Variants in USP16 observed in about 807,000 individuals in gnomAD.
USP16 encodes the protein ubiquitin carboxyl-terminal hydrolase 16.
In USP16, 77 loss-of-function variants were observed where a neutral mutation model predicts 95.9. The ratio of observed to expected loss-of-function variants is 0.80; its 90% CI spans 0.67 to 0.97. The LOEUF (loss-of-function observed/expected upper bound fraction) is 0.97. USP16 is among the 50% of genes least tolerant of loss of function. The pLI, the probability that USP16 is intolerant of heterozygous loss-of-function variation, is 0.00. For missense variants in USP16, 943 were observed against 959.9 expected, an observed-to-expected ratio of 0.98 and a Z score of 0.23; for synonymous variants, 303 against 318.2, an observed-to-expected ratio of 0.95 and a Z score of 0.51.
At chr21:29,027,299 T>G (rs1165507799) in intron 1 of USP16, among the ~76,000 whole-genome samples, 1 of 152,368 alleles carries the variant, frequency 6.6e-6, no homozygotes, top group East Asian at 1.9e-4. Context: ...CAATTTTCAT[T>G]TAGCTGATAC....
At chr21:29,040,342 G>A (rs1233829841) in intron 9 of USP16, among the ~76,000 whole-genome samples, 5 of 152,160 alleles carry the variant, frequency 3.3e-5, no homozygotes, top group African/African-American at 7.2e-5. Flanking sequence ...CTTCTCAAAG[G>A]TGGTGGGCAT....
chr21:29,048,896 C>G (rs771945791), intron 15 of USP16, 41 bp downstream of exon 15: 1 of 1,431,274 alleles, frequency 7.0e-7, no homozygotes, highest in Admixed American at 1.8e-5. Context: ...ATATGTAACA[C>G]CTACTTTATT....
At chr21:29,050,203 G>C in intron 16 of USP16, 25 bp downstream of exon 16, 4 of 1,606,374 alleles carry the variant, frequency 2.5e-6, no homozygotes, top group Non-Finnish European at 3.4e-6. Flanking sequence ...TCTTTTTCAG[G>C]AAAGTCCTTT....
In USP16 at chr21:29,029,282, G is replaced by A. The variant is rs555821168; in HGVS notation, c.61+1308G>A. On this transcript the variant is annotated intron_variant, in intron 2 of 17. Transcript: ENST00000399976. ...CAAAAAATTAGCTGGGCGTGGTGGCGGGCGCCTGTAGTCCCAGCTACTTGG... is the reference window on the plus strand; with the variant it reads ...CAAAAAATTAGCTGGGCGTGGTGGCAGGCGCCTGTAGTCCCAGCTACTTGG... Among the ~76,000 whole-genome samples, 22 of 152,250 alleles carry A rather than the reference G, an allele frequency of 1.4e-4. No individual in the cohort carries two copies. In the East Asian group the frequency reaches 2.7e-3, roughly 19 times the overall value.
Position 29,048,807 on chromosome 21 carries a change from T to C in USP16, c.2058T>C (p.Ile686=). 6.2e-7 allele frequency: 1 copy of C among 1,613,918 alleles called. No individual in the cohort carries two copies. Among genetic ancestry groups the C allele is most frequent in the Non-Finnish European group, 8.5e-7 (1 of 1,179,934 alleles). The change falls in exon 15 of 18, where the codon ATT becomes ATC. Residue 686 remains isoleucine, a synonymous_variant. Transcript: ENST00000399976. ...VYTNAKKQML[I]SLAPPVLTLH... ...CCAATGCCAAAAAGCAGATGCTAAT[T>C]TCTCTTGCTCCTCCTGTTCTTACTC...
chr21:29,032,480 C>A (rs1031603051), intron 3 of USP16, among the ~76,000 whole-genome samples: 12 of 152,184 alleles, frequency 7.9e-5, no homozygotes, highest in East Asian at 3.9e-4. Context: ...GATCTACCCC[C>A]CTGGGCCTCC....
In USP16 at chr21:29,027,793, C is replaced by T. The variant is rs562231191; in HGVS notation, c.-41-80C>T. 5.7e-5 allele frequency: 53 copies of T among 925,066 alleles called. 1 individual carries two copies. The South Asian group carries it at 6.7e-4, about 12-fold the overall frequency. The allele number at this position is 925,066 out of a possible 1,614,324, so 57.3% of individuals were successfully genotyped here. The stretch of plus-strand genomic sequence containing the variant: ...TGATAGACATGCATAATATACGTGG[C>T]TTAGTTATATTACTGTCTCCTAGAG... On this transcript the variant is annotated intron_variant, in intron 1 of 17. Transcript: ENST00000399976.
At chr21:29,042,260 C>T (rs2085255822) in intron 11 of USP16, among the ~76,000 whole-genome samples, 156 bp downstream of exon 11, 1 of 152,110 alleles carries the variant, frequency 6.6e-6, no homozygotes, top group Non-Finnish European at 1.5e-5. Context: ...GAAATGTCAG[C>T]ACTCCTTAAA....
intron 2 of USP16, among the ~76,000 whole-genome samples, chr21:29,028,704 G>A (rs781451971): frequency 6.6e-6 from 1 of 152,136 alleles, no homozygotes; most frequent in Non-Finnish European, 1.5e-5. Context: ...CAAAGTGCTG[G>A]GATTACAGGC....
intron 3 of USP16, among the ~76,000 whole-genome samples, chr21:29,034,464 C>T (rs945836427): frequency 3.9e-5 from 6 of 152,036 alleles, no homozygotes; most frequent in Non-Finnish European, 8.8e-5. Context: ...AGATGTGCGC[C>T]ACCACACCCG....
chr21:29,032,736 A>G (rs2085095748), intron 3 of USP16, among the ~76,000 whole-genome samples: 1 of 152,234 alleles, frequency 6.6e-6, no homozygotes, highest in African/African-American at 2.4e-5. Flanking sequence ...ATTTGTGTAC[A>G]GGTTTTTGTG....
At chr21:29,038,039 G>A (rs760258427) in intron 6 of USP16, among the ~76,000 whole-genome samples, 3 of 152,196 alleles carry the variant, frequency 2.0e-5, no homozygotes, top group South Asian at 2.1e-4. Context: ...AAGCAAATAC[G>A]TACCTACAGG....
At chr21:29,050,036 TTAACCTG>T in intron 15 of USP16, 49 bp from the exon 16 acceptor site, 1 of 1,532,836 alleles carries the variant, frequency 6.5e-7, no homozygotes, top group Non-Finnish European at 8.9e-7. Context: ...TTCGGTTTAC[TTAACCTG>T]TATTGCTTTT....
chr21:29,038,517 C>A, intron 7 of USP16, 87 bp downstream of exon 7: 1 of 1,036,650 alleles, frequency 9.6e-7, no homozygotes, highest in East Asian at 2.4e-5. Context: ...CACTCATTTC[C>A]ACTGTTTTTG....
In USP16 at chr21:29,040,661, A is replaced by G. The variant is rs757092738; in HGVS notation, c.1004A>G (p.Asp335Gly). 1 of 1,545,660 alleles carries G rather than the reference A, an allele frequency of 6.5e-7. No homozygotes were observed. The highest frequency in any genetic ancestry group is 8.9e-7 in the Non-Finnish European group (1 of 1,128,866). Reference protein sequence around the residue: ...KAFGNSTEKLDEELKNKVKDY... With the variant: ...KAFGNSTEKLGEELKNKVKDY... Reference sequence around the variant, plus strand: ...TTTGGTAATTCTACTGAAAAGTTGGATGAAGAACTAAAAAATAAAGTTAAA... The same window carrying G: ...TTTGGTAATTCTACTGAAAAGTTGGGTGAAGAACTAAAAAATAAAGTTAAA... Residue 335 changes from aspartate (D) to glycine (G), a missense_variant, in exon 10 of 18, where the codon GAT (aspartate) becomes GGT (glycine). By Grantham distance (94) the Asp-to-Gly change is moderately conservative (BLOSUM62 -1). Coordinates refer to ENST00000399976, the MANE Select transcript of USP16 (RefSeq NM_006447.3).
intron 11 of USP16, 123 bp downstream of exon 11, chr21:29,042,227 C>A: frequency 1.1e-6 from 1 of 915,492 alleles, no homozygotes. Context: ...AGATGCTATT[C>A]AGATGTGCAT....
At chr21:29,038,687 G>A (rs962561566) in intron 7 of USP16, among the ~76,000 whole-genome samples, 9 of 152,148 alleles carry the variant, frequency 5.9e-5, no homozygotes, top group African/African-American at 2.2e-4. Flanking sequence ...GAAGCCTTAG[G>A]CTTACATTAT....
chr21:29,034,302 C>CT (rs575549987), intron 3 of USP16, among the ~76,000 whole-genome samples: 4,962 of 136,350 alleles, frequency 0.036, 184 homozygotes, highest in East Asian at 0.18. Context: ...GCATGGTTTT[C>CT]TTTTTTTTTT....
chr21:29,030,440 T>G (rs2085060863), intron 2 of USP16, among the ~76,000 whole-genome samples, 155 bp from the exon 3 acceptor site: 1 of 152,238 alleles, frequency 6.6e-6, no homozygotes, highest in Admixed American at 6.5e-5. Flanking sequence ...TATCTCATAT[T>G]ATTCAAATAT....
Sources: gnomAD v4.1 joint callset for allele counts (sites outside exome capture counted in the v4.1 genomes callset) on GRCh38, gnomAD v4.1.1 for gene constraint, MANE v1.5 for transcripts, NCBI Gene and HGNC (gene_info 2026-07-23, HGNC 2026-07-21) for gene names.